DNASE1: variants seen among roughly 807,000 people sequenced by gnomAD.
DNASE1 encodes deoxyribonuclease-1.
DNASE1 carries 40 observed loss-of-function variants against 33.9 expected under a neutral mutation model. The observed-to-expected ratio is 1.18, with a 90% CI of 0.92 to 1.54. The LOEUF (loss-of-function observed/expected upper bound fraction) is 1.54, where lower values mean the gene tolerates loss of function less well. DNASE1 is among the 40% of genes most tolerant of loss of function. The pLI is 0.00. For missense variants in DNASE1, 518 were observed against 372.6 expected, an observed-to-expected ratio of 1.39 and a Z score of -3.21; for synonymous variants, 216 against 160.0, an observed-to-expected ratio of 1.35 and a Z score of -2.64.
upstream of DNASE1, chr16:3,654,520 A>C (rs1423533538): frequency 2.5e-6 from 1 of 398,582 alleles, no homozygotes; most frequent in Non-Finnish European, 4.4e-6. Flanking sequence ...TGGGGCCCCC[A>C]GACAAGAGAC....
chr16:3,641,334 C>G (rs1306548086), upstream of DNASE1: 1 of 165,444 alleles, frequency 6.0e-6, no homozygotes. Context: ...GACGCCTTGC[C>G]TGCTCTCCTC....
intron 1 of DNASE1, among the ~76,000 whole-genome samples, chr16:3,617,739 A>T (rs1291379550): frequency 6.6e-6 from 1 of 152,080 alleles, no homozygotes; most frequent in East Asian, 1.9e-4. Flanking sequence ...TGGGCCCAGG[A>T]GTTTGAGACC....
intron 1 of DNASE1, among the ~76,000 whole-genome samples, chr16:3,631,859 C>G (rs553013505): frequency 1.4e-4 from 21 of 152,230 alleles, no homozygotes; most frequent in African/African-American, 4.8e-4. Context: ...GCATTATTGT[C>G]TTCTTTTGTG....
Position 3,656,719 on chromosome 16 carries a change from G to C in DNASE1, c.402G>C (p.Glu134Asp), listed in dbSNP as rs768394464. The C allele has an allele frequency of 3.3e-5, 54 of 1,612,428 alleles. No homozygotes were observed. The highest frequency in any genetic ancestry group is 4.6e-5 in the Non-Finnish European group (54 of 1,179,302). ...GCGGGAACGACACCTTCAACCGAGA[G>C]CCAGCCATTGTCAGGTTCTTCTCCC... ...EPCGNDTFNR[E>D]PAIVRFFSRF... Residue 134 changes from glutamate to aspartate, a missense_variant, in exon 5 of 9, where the codon GAG becomes GAC. Coordinates refer to ENST00000246949, the MANE Select transcript of DNASE1 (RefSeq NM_005223.4).
chr16:3,628,385 T>C (rs1380988714), intron 1 of DNASE1, among the ~76,000 whole-genome samples: 1 of 152,006 alleles, frequency 6.6e-6, no homozygotes. Context: ...TGTGAATTAA[T>C]TTTACTTTTT....
chr16:3,665,369 G>A (rs2050807877), exon 10 of DNASE1: 3 of 152,964 alleles, frequency 2.0e-5, no homozygotes, highest in Middle Eastern at 3.4e-3. Flanking sequence ...CACTGTGAAT[G>A]CACTAAATGC....
At chr16:3,623,708 A>G (rs2151165401) in intron 1 of DNASE1, among the ~76,000 whole-genome samples, 1 of 152,164 alleles carries the variant, frequency 6.6e-6, no homozygotes, top group Non-Finnish European at 1.5e-5. Flanking sequence ...CTGAGGCAGG[A>G]GGATCACTTG....
chr16:3,627,530 G>A (rs1418616233), intron 1 of DNASE1, among the ~76,000 whole-genome samples: 1 of 152,090 alleles, frequency 6.6e-6, no homozygotes, highest in Non-Finnish European at 1.5e-5. Context: ...TTCCACCTCA[G>A]TCTCCCAAAG....
intron 4 of DNASE1, 88 bp downstream of exon 4, chr16:3,656,273 C>CT (rs1214048733): frequency 1.4e-6 from 2 of 1,403,652 alleles, no homozygotes; most frequent in Non-Finnish European, 2.0e-6. Context: ...TTAGTTTGTC[C>CT]TATGGCAAGA....
chr16:3,654,859 C>T lies in DNASE1; in HGVS notation c.-187C>T, dbSNP rs939663697. The T allele has an allele frequency of 5.8e-5, 24 of 413,036 alleles. No homozygotes were observed. Among genetic ancestry groups the T allele is most frequent in the Middle Eastern group, 6.1e-4 (1 of 1,630 alleles). The allele number at this position is 413,036 out of a possible 1,614,324, so 25.6% of individuals were successfully genotyped here. ...CCTGAACTTTTAAAACTCCCAGACA[C>T]GCACTGCCTGTGCAGGATCCGGAGC... is the stretch of plus-strand genomic sequence containing the variant. On this transcript the variant is annotated 5_prime_UTR_variant, in exon 1 of 9. In the 5' UTR this introduces an upstream ATG that the reference lacks. Transcript: ENST00000246949.
At chr16:3,660,204 A>C (rs1263029450), downstream of DNASE1, 1 of 152,276 alleles carries the variant, frequency 6.6e-6, no homozygotes. Flanking sequence ...GCAGCTGCCC[A>C]CAAATGCACA....
intron 1 of DNASE1, among the ~76,000 whole-genome samples, chr16:3,621,152 G>A (rs1211437831): frequency 1.3e-5 from 2 of 152,032 alleles, no homozygotes; most frequent in South Asian, 2.1e-4. Context: ...CTAGAATGCA[G>A]TGGCACGAGC....
At chr16:3,638,750 A>G (rs2041949367), upstream of DNASE1, among the ~76,000 whole-genome samples, 1 of 152,180 alleles carries the variant, frequency 6.6e-6, no homozygotes, top group South Asian at 2.1e-4. Flanking sequence ...TTTTTCTTCT[A>G]GGACTTCCAA....
intron 1 of DNASE1, among the ~76,000 whole-genome samples, chr16:3,618,423 C>A (rs150838472): frequency 6.6e-6 from 1 of 152,184 alleles, no homozygotes; most frequent in Non-Finnish European, 1.5e-5. Context: ...AGGATATGTC[C>A]CAAAAAATTG....
intron 1 of DNASE1, among the ~76,000 whole-genome samples, chr16:3,617,427 C>T (rs910796449): frequency 7.0e-6 from 1 of 143,684 alleles, no homozygotes; most frequent in African/African-American, 2.6e-5. Context: ...AAAGCAGAAA[C>T]AACAAAAAAT....
intron 1 of DNASE1, among the ~76,000 whole-genome samples, chr16:3,636,327 T>A (rs759543754): frequency 4.6e-5 from 7 of 152,248 alleles, no homozygotes; most frequent in Non-Finnish European, 8.8e-5. Flanking sequence ...TTTTAGCATA[T>A]CATCTACTTT....
upstream of DNASE1, chr16:3,641,297 C>T (rs968599787): frequency 2.6e-5 from 5 of 194,600 alleles, no homozygotes; most frequent in Non-Finnish European, 4.1e-5. Context: ...CAGAGCCCTG[C>T]GATTCCTGGG....
Position 3,657,046 on chromosome 16 carries a change from GC to G in DNASE1, c.485del (p.Ala162GlufsTer2). 6.2e-7 allele frequency: 1 copy of G among 1,613,892 alleles called. No homozygotes were observed. Among genetic ancestry groups the G allele is most frequent in the Non-Finnish European group, 8.5e-7 (1 of 1,180,008 alleles). ...IVPLHAAPGD[A>X]VAEIDALYDV... is the part of the protein sequence containing the mutation. ...TCCCCTGCATGCGGCCCCGGGGGAC[GC>G]AGTAGCCGAGATCGACGCTCTCTAT... is the stretch of plus-strand genomic sequence containing the variant. On this transcript the variant is annotated frameshift_variant, in exon 6 of 9. Coordinates refer to ENST00000246949, the MANE Select transcript of DNASE1 (RefSeq NM_005223.4). LOFTEE classifies it high-confidence loss of function.
chr16:3,635,852 C>T (rs2041853630), intron 1 of DNASE1, among the ~76,000 whole-genome samples: 1 of 151,944 alleles, frequency 6.6e-6, no homozygotes, highest in Non-Finnish European at 1.5e-5. Flanking sequence ...TCAAGATTTT[C>T]TCTTTGTCTT....
Sources: allele counts gnomAD v4.1 joint callset (sites outside exome capture counted in the v4.1 genomes callset), GRCh38; gene constraint gnomAD v4.1.1; transcripts MANE v1.5; gene names NCBI Gene and HGNC (gene_info 2026-07-23, HGNC 2026-07-21).